Variants in MBNL2 observed in about 807,000 individuals in gnomAD.
The protein encoded by MBNL2 is muscleblind like splicing regulator 2.
Under a neutral mutation model 41.9 loss-of-function variants are expected in MBNL2, and 17 were observed. The ratio of observed to expected loss-of-function variants is 0.41; its 90% CI spans 0.28 to 0.61. MBNL2 has a LOEUF of 0.61. Ranked by LOEUF, MBNL2 falls within the 20% of genes least tolerant of loss-of-function variation. The pLI is 0.35. For missense variants in MBNL2, 336 were observed against 505.6 expected, an observed-to-expected ratio of 0.66 and a Z score of 3.22; for synonymous variants, 195 against 182.9, an observed-to-expected ratio of 1.07 and a Z score of -0.53.
chr13:97,317,361 G>A (rs2059147175), intron 2 of MBNL2, among the ~76,000 whole-genome samples: 1 of 152,164 alleles, frequency 6.6e-6, no homozygotes, highest in Non-Finnish European at 1.5e-5. Flanking sequence ...CCTCCCAGTG[G>A]ACCCCACAGA....
chr13:97,371,066 A>G (rs1396385601), intron 8 of MBNL2, among the ~76,000 whole-genome samples: 1 of 152,214 alleles, frequency 6.6e-6, no homozygotes, highest in Non-Finnish European at 1.5e-5. Flanking sequence ...TTTTCATATG[A>G]AAATAAATTT....
At position 97,291,919 on chromosome 13, in the gene MBNL2, T is replaced by TAAAAAAAA. The variant is rs1594165236; in HGVS notation, c.174+15510_174+15511insAAAAAAAA. Among the ~76,000 whole-genome samples, 8 of 23,644 alleles carry TAAAAAAAA rather than the reference T, an allele frequency of 3.4e-4. 1 individual carries two copies. The South Asian group carries it at 7.8e-3, about 23-fold the overall frequency. The allele number at this position is 23,644 out of a possible 152,430, so 15.5% of individuals were successfully genotyped here. ...CCGTCTCAAAAAAAAAAAAAAAAAG[T>TAAAAAAAA]GGGCTGGGTGCGGTGGCTCACGCCT... On this transcript the variant is annotated intron_variant, in intron 2 of 8. Transcript: ENST00000679496.
chr13:97,292,990 C>A (rs527308516), intron 2 of MBNL2, among the ~76,000 whole-genome samples: 38 of 151,874 alleles, frequency 2.5e-4, no homozygotes, highest in Non-Finnish European at 4.6e-4. Flanking sequence ...ATTTGAAGAA[C>A]CTGTTCTTGA....
chr13:97,250,924 G>C (rs911413981), intron 1 of MBNL2, among the ~76,000 whole-genome samples: 1 of 151,966 alleles, frequency 6.6e-6, no homozygotes, highest in Non-Finnish European at 1.5e-5. Context: ...TATTGTAAGG[G>C]GTTACTTCTC....
At chr13:97,287,922 T>TC (rs1566393524) in intron 2 of MBNL2, among the ~76,000 whole-genome samples, 1 of 119,942 alleles carries the variant, frequency 8.3e-6, no homozygotes, top group East Asian at 2.5e-4. Flanking sequence ...TTTTCTGTTT[T>TC]TTTTTTGTTT....
At chr13:97,240,810 T>C (rs958481970) in intron 1 of MBNL2, among the ~76,000 whole-genome samples, 23 of 152,186 alleles carry the variant, frequency 1.5e-4, no homozygotes. Context: ...GAAAGTTTCA[T>C]GTAGTGCATG....
upstream of MBNL2, among the ~76,000 whole-genome samples, chr13:97,217,774 T>C (rs537091816): frequency 1.8e-4 from 27 of 152,222 alleles, no homozygotes; most frequent in South Asian, 3.5e-3. Flanking sequence ...TTTAAAAAGA[T>C]GATTTTGGCT....
intron 5 of MBNL2, among the ~76,000 whole-genome samples, chr13:97,352,579 C>T (rs569382980): frequency 6.6e-6 from 1 of 152,190 alleles, no homozygotes; most frequent in South Asian, 2.1e-4. Context: ...TCACTGATCA[C>T]AAATCATCAT....
the MBNL2 span, among the ~76,000 whole-genome samples, chr13:97,191,105 A>G: frequency 6.6e-6 from 1 of 152,052 alleles, no homozygotes. Flanking sequence ...TTAAAAAAAG[A>G]GTTGTCACCA....
chr13:97,230,434 A>G (rs1441118853), intron 1 of MBNL2, among the ~76,000 whole-genome samples: 3 of 152,242 alleles, frequency 2.0e-5, no homozygotes, highest in Non-Finnish European at 4.4e-5. Context: ...GATGTCTCAT[A>G]AACATTTGAC....
chr13:97,157,577 C>T, the MBNL2 span, among the ~76,000 whole-genome samples: 3 of 146,562 alleles, frequency 2.0e-5, no homozygotes, highest in Non-Finnish European at 3.0e-5. Context: ...CCATCAATAC[C>T]TAATTTATTG....
At chr13:97,355,199 G>A (rs944897123) in intron 5 of MBNL2, among the ~76,000 whole-genome samples, 4 of 152,014 alleles carry the variant, frequency 2.6e-5, no homozygotes, top group African/African-American at 9.7e-5. Context: ...CGATGACTCC[G>A]ATCAAAACTA....
chr13:97,153,598 AT>A, the MBNL2 span, among the ~76,000 whole-genome samples: 2 of 152,196 alleles, frequency 1.3e-5, no homozygotes, highest in African/African-American at 2.4e-5. Flanking sequence ...ACAGTAAGAA[AT>A]AAAAAGACCA....
At chr13:97,317,001 G>A (rs2059116134) in intron 2 of MBNL2, among the ~76,000 whole-genome samples, 1 of 152,200 alleles carries the variant, frequency 6.6e-6, no homozygotes, top group Non-Finnish European at 1.5e-5. Flanking sequence ...GCAGCAGAGG[G>A]TATAGGAAGT....
chr13:97,313,174 T>C (rs904274337), intron 2 of MBNL2, among the ~76,000 whole-genome samples: 9 of 152,196 alleles, frequency 5.9e-5, no homozygotes, highest in African/African-American at 9.6e-5. Context: ...CTAGTGGTGC[T>C]CCCTAAATTC....
the MBNL2 span, among the ~76,000 whole-genome samples, chr13:97,145,672 A>C: frequency 6.6e-6 from 1 of 152,224 alleles, no homozygotes; most frequent in Non-Finnish European, 1.5e-5. Context: ...AAAAGCTAAA[A>C]GATATGGGCA....
the MBNL2 span, among the ~76,000 whole-genome samples, chr13:97,159,259 C>A: frequency 6.6e-6 from 1 of 151,472 alleles, no homozygotes; most frequent in Non-Finnish European, 1.5e-5. Flanking sequence ...GTAGATCTTC[C>A]TCCATCCTTT....
At position 97,347,021 on chromosome 13, in the gene MBNL2, A is replaced by G; in HGVS notation, c.758A>G (p.Gln253Arg). The change falls in exon 5 of 9, where the codon CAA becomes CGA. Residue 253 changes from glutamine (Q) to arginine (R), a missense_variant. Transcript: ENST00000679496. ...AAAGCTGCGCAGCACCAAGCCAACC[A>G]AGCTGCGGTGGCCGCCCAGGCAGCC... ...KIKAAQHQANQAAVAAQAAAA... is the reference protein window; with the variant it reads ...KIKAAQHQANRAAVAAQAAAA... 6.2e-7 allele frequency: 1 copy of G among 1,612,446 alleles called. No homozygotes were observed. The highest frequency in any genetic ancestry group is 8.5e-7 in the Non-Finnish European group (1 of 1,179,136).
chr13:97,358,434 T>G (rs1041894456), intron 7 of MBNL2, among the ~76,000 whole-genome samples: 5 of 152,002 alleles, frequency 3.3e-5, no homozygotes, highest in Admixed American at 1.3e-4. Context: ...CGCCTATATA[T>G]ACACATTCCA....
Sources: allele counts gnomAD v4.1 joint callset (sites outside exome capture counted in the v4.1 genomes callset), GRCh38; gene constraint gnomAD v4.1.1; transcripts MANE v1.5; gene names NCBI Gene and HGNC (gene_info 2026-07-23, HGNC 2026-07-21).